GLIS3: variants seen among roughly 807,000 people sequenced by gnomAD.
GLIS3 encodes zinc finger protein GLIS3.
GLIS3 carries 53 observed loss-of-function variants against 78.6 expected under a neutral mutation model. The ratio of observed to expected loss-of-function variants is 0.67; its 90% CI spans 0.54 to 0.85. GLIS3 has a LOEUF of 0.85. Ranked by LOEUF, GLIS3 falls within the 40% of genes least tolerant of loss-of-function variation. The pLI is 0.00. For missense variants in GLIS3, 1,703 were observed against 1,231.1 expected, an observed-to-expected ratio of 1.38 and a Z score of -5.74; for synonymous variants, 684 against 509.9, an observed-to-expected ratio of 1.34 and a Z score of -4.60.
chr9:4,298,361 C>A, intron 1 of GLIS3: 1 of 456,012 alleles, frequency 2.2e-6, no homozygotes, highest in Non-Finnish European at 4.4e-6. Flanking sequence ...AAACCCTTCC[C>A]CAAAGTTTCT....
At chr9:4,425,766 C>A in the GLIS3 span, among the ~76,000 whole-genome samples, 6 of 152,172 alleles carry the variant, frequency 3.9e-5, no homozygotes, top group African/African-American at 7.2e-5. Context: ...AGCAGGGTAG[C>A]CTGCAATCCC....
chr9:3,891,084 A>AAG (rs34493390), intron 7 of GLIS3, among the ~76,000 whole-genome samples: 1 of 146,386 alleles, frequency 6.8e-6, no homozygotes, highest in Admixed American at 6.8e-5. Flanking sequence ...AAAAAAAAGA[A>AAG]GAAGAAGAAA....
intron 2 of GLIS3, among the ~76,000 whole-genome samples, chr9:4,196,122 C>T (rs758761098): frequency 2.4e-4 from 36 of 151,882 alleles, no homozygotes; most frequent in Admixed American, 5.2e-4. Context: ...AATCAGTGCT[C>T]TGTGTCTAGC....
In GLIS3 at chr9:4,177,654, G is replaced by T. The variant is rs80169834; in HGVS notation, c.389-51713C>A. ...CTTCTATGAAACCAACCTTTCCCAG[G>T]GTGTAAAAAGAAACCTTAGAAACTA... On this transcript the variant is annotated intron_variant, in intron 2 of 10. Coordinates refer to ENST00000381971, the MANE Select transcript of GLIS3 (RefSeq NM_001042413.2). Among the ~76,000 whole-genome samples, 26 of 152,148 alleles carry T rather than the reference G, an allele frequency of 1.7e-4. No homozygotes were observed. In the East Asian group the frequency reaches 5.0e-3, roughly 29 times the overall value.
chr9:4,379,484 TTTA>T, the GLIS3 span, among the ~76,000 whole-genome samples: 4 of 152,258 alleles, frequency 2.6e-5, no homozygotes, highest in Admixed American at 1.3e-4. Context: ...AGTCCCTTCT[TTTA>T]GTGCAAACTA....
At chr9:4,116,280 G>A (rs965278412) in intron 4 of GLIS3, among the ~76,000 whole-genome samples, 1 of 152,204 alleles carries the variant, frequency 6.6e-6, no homozygotes, top group African/African-American at 2.4e-5. Context: ...GCCTGCAATA[G>A]GCCGGTGTGT....
chr9:3,860,194 G>C (rs1820094361), intron 8 of GLIS3, among the ~76,000 whole-genome samples: 1 of 143,348 alleles, frequency 7.0e-6, no homozygotes, highest in South Asian at 2.2e-4. Context: ...AGAATGGCGT[G>C]AATCCGGGAG....
intron 2 of GLIS3, among the ~76,000 whole-genome samples, chr9:4,198,097 C>G (rs1819033742): frequency 1.3e-5 from 2 of 152,124 alleles, no homozygotes; most frequent in South Asian, 4.1e-4. Flanking sequence ...CAAGAAATAT[C>G]TGAATGTAGT....
At chr9:3,861,310 A>T (rs6476720) in intron 8 of GLIS3, among the ~76,000 whole-genome samples, 106,502 of 151,986 alleles carry the variant, frequency 0.7, 37,991 homozygotes, top group East Asian at 0.84. Flanking sequence ...ATATTATTGG[A>T]GGGAATGTAA....
chr9:3,852,107 G>A (rs1819471341), intron 9 of GLIS3, among the ~76,000 whole-genome samples: 2 of 151,656 alleles, frequency 1.3e-5, no homozygotes, highest in South Asian at 4.2e-4. Flanking sequence ...AACGTGTCAC[G>A]GTACTCCCGC....
chr9:3,948,157 T>C (rs888565697), intron 4 of GLIS3, among the ~76,000 whole-genome samples: 12 of 152,162 alleles, frequency 7.9e-5, no homozygotes, highest in Non-Finnish European at 1.8e-4. Flanking sequence ...TCATCTCCAG[T>C]TTCTTTTCTT....
At position 4,320,571 on chromosome 9, in the gene GLIS3, T is replaced by C. The variant is rs554484935; in HGVS notation, n.265-10043A>G. ...CTCAAATCTGTCTGTTTCTCTCTAT[T>C]TCCAACACAAAACCCATCATCATCA... On this transcript the variant is annotated intron_variant and non_coding_transcript_variant, in intron 2 of 4. Transcript: ENST00000471664. Among the ~76,000 whole-genome samples, 6 of 152,000 alleles carry C rather than the reference T, an allele frequency of 3.9e-5. No individual in the cohort carries two copies. In the South Asian group the frequency reaches 8.3e-4, roughly 21 times the overall value.
At chr9:4,194,416 A>G (rs1389745821) in intron 2 of GLIS3, among the ~76,000 whole-genome samples, 2 of 152,202 alleles carry the variant, frequency 1.3e-5, no homozygotes, top group African/African-American at 4.8e-5. Context: ...AGAATGTTGA[A>G]ACTAGTAACA....
intron 1 of GLIS3, among the ~76,000 whole-genome samples, chr9:4,295,939 T>A (rs1816455290): frequency 6.6e-6 from 1 of 152,214 alleles, no homozygotes; most frequent in Non-Finnish European, 1.5e-5. Flanking sequence ...GTTTTTTTTT[T>A]ATCACACAGA....
intron 2 of GLIS3, among the ~76,000 whole-genome samples, chr9:4,149,211 TG>T (rs1834475148): frequency 6.6e-6 from 1 of 152,242 alleles, no homozygotes; most frequent in Non-Finnish European, 1.5e-5. Flanking sequence ...AAGGCTTACT[TG>T]GTGCCAGAGG....
In GLIS3 at chr9:4,341,908, T is replaced by C. The variant is rs113983208; in HGVS notation, n.264+5173A>G. ...CACGTATATGTCTTCTTTTGAGAAG[T>C]ATCTGTTCATGTCCTTTGCCCATCT... On this transcript the variant is annotated intron_variant and non_coding_transcript_variant, in intron 2 of 4. Coordinates refer to the GLIS3 transcript ENST00000471664. Among the ~76,000 whole-genome samples, 87 of 152,364 alleles carry C rather than the reference T, an allele frequency of 5.7e-4. 1 individual carries two copies. The highest frequency in any genetic ancestry group is 2.0e-3 in the African/African-American group (82 of 41,584).
At chr9:4,282,164 T>A (rs546136887) in intron 2 of GLIS3, among the ~76,000 whole-genome samples, 1 of 152,206 alleles carries the variant, frequency 6.6e-6, no homozygotes, top group Admixed American at 6.5e-5. Context: ...TCCCTAAGAG[T>A]TGCTATAATC....
intron 9 of GLIS3, among the ~76,000 whole-genome samples, chr9:3,830,208 AT>A (rs139144841): frequency 0.13 from 20,033 of 151,870 alleles, 1,449 homozygotes; most frequent in Non-Finnish European, 0.15. Context: ...ATTCCTTTCA[AT>A]TTTTTTTCCA....
chr9:4,460,545 AC>A, the GLIS3 span, among the ~76,000 whole-genome samples: 1 of 151,954 alleles, frequency 6.6e-6, no homozygotes, highest in Non-Finnish European at 1.5e-5. Flanking sequence ...TGCAGGAAAA[AC>A]ACAATTCCCC....
Sources: allele counts gnomAD v4.1 joint callset (sites outside exome capture counted in the v4.1 genomes callset), GRCh38; gene constraint gnomAD v4.1.1; transcripts MANE v1.5; gene names NCBI Gene and HGNC (gene_info 2026-07-23, HGNC 2026-07-21).